Variants in B3GALT1 observed in about 807,000 individuals in gnomAD.
The protein encoded by B3GALT1 is beta-1,3-galactosyltransferase 1, also known as UDP-Gal:betaGlcNAc beta 1,3-galactosyltransferase, polypeptide 1.
In B3GALT1, 10 loss-of-function variants were observed where a neutral mutation model predicts 23.2. The observed-to-expected ratio is 0.43, with a 90% CI of 0.27 to 0.73. The LOEUF (loss-of-function observed/expected upper bound fraction) is 0.73. B3GALT1 is among the 30% of genes least tolerant of loss of function. The probability of loss-of-function intolerance (pLI) is 0.21; values close to 1 mark genes in which losing one functional copy is unlikely to be tolerated. For synonymous variants in B3GALT1, 156 were observed against 141.5 expected (o/e 1.10, Z -0.73); for missense variants, 299 against 405.4 (o/e 0.74, Z 2.25).
intron 3 of B3GALT1, among the ~76,000 whole-genome samples, chr2:167,783,316 T>G (rs989470644): frequency 9.2e-5 from 14 of 152,306 alleles, no homozygotes; most frequent in African/African-American, 3.4e-4. Flanking sequence ...TCTGTTTATC[T>G]TCGTGTTAAC....
intron 2 of B3GALT1, among the ~76,000 whole-genome samples, chr2:167,536,451 G>T (rs532016081): frequency 3.9e-4 from 59 of 152,230 alleles, no homozygotes; most frequent in Non-Finnish European, 7.4e-4. Flanking sequence ...TGCAGACTAG[G>T]AAACATTTTA....
rs560917310 is a variant in B3GALT1 at position 167,830,334 on chromosome 2, C to T, written c.-230+11541C>T. 8.2e-4 allele frequency among the ~76,000 whole-genome samples: 123 copies of T among 149,348 alleles called. 1 individual carries two copies. Among genetic ancestry groups the T allele is most frequent in the Non-Finnish European group, 1.4e-3 (96 of 67,610 alleles). On this transcript the variant is annotated intron_variant, in intron 4 of 4. Coordinates refer to ENST00000392690, the MANE Select transcript of B3GALT1 (RefSeq NM_020981.4). ...CCATTGTCATTTGGATGAGGAAAGA[C>T]ATTAAGCGGGAACAGGGCAGGGTAG... is the stretch of plus-strand genomic sequence containing the variant.
At chr2:167,408,338 C>A (rs1328580024) in intron 1 of B3GALT1, among the ~76,000 whole-genome samples, 1 of 152,042 alleles carries the variant, frequency 6.6e-6, no homozygotes, top group Non-Finnish European at 1.5e-5. Context: ...CAAAAAGCCT[C>A]ATCAAAATGG....
chr2:167,307,937 G>A (rs1475670940), intron 1 of B3GALT1, among the ~76,000 whole-genome samples: 1 of 150,058 alleles, frequency 6.7e-6, no homozygotes, highest in East Asian at 2.0e-4. Context: ...TTGAGTCCAT[G>A]ATTAGGAGTA....
intron 3 of B3GALT1, among the ~76,000 whole-genome samples, chr2:167,809,455 GGGTTTTGGTGT>G (rs1421340333): frequency 2.0e-5 from 3 of 152,146 alleles, no homozygotes. Flanking sequence ...CGTACAGATG[GGGTTTTGGTGT>G]GGATGTCCTT....
intron 3 of B3GALT1, among the ~76,000 whole-genome samples, chr2:167,709,433 G>T (rs539473005): frequency 1.3e-5 from 2 of 152,312 alleles, no homozygotes; most frequent in African/African-American, 4.8e-5. Context: ...AAATCCACAG[G>T]TGTAGCATAA....
chr2:167,581,307 A>G (rs952557144), intron 2 of B3GALT1, among the ~76,000 whole-genome samples: 1 of 152,220 alleles, frequency 6.6e-6, no homozygotes, highest in Non-Finnish European at 1.5e-5. Context: ...GTGCTGTGGT[A>G]GAGGTACCTA....
chr2:167,723,452 C>CA (rs1287329668), intron 3 of B3GALT1, among the ~76,000 whole-genome samples: 1 of 151,828 alleles, frequency 6.6e-6, no homozygotes, highest in Non-Finnish European at 1.5e-5. Flanking sequence ...ACATATACTT[C>CA]AAAATATTAA....
chr2:167,593,980 A>T (rs1684730124), intron 2 of B3GALT1, among the ~76,000 whole-genome samples: 2 of 152,200 alleles, frequency 1.3e-5, no homozygotes, highest in South Asian at 4.1e-4. Context: ...AAAAACACAG[A>T]AGCCTAGATA....
At chr2:167,814,520 C>T (rs980705855) in intron 3 of B3GALT1, among the ~76,000 whole-genome samples, 1 of 151,960 alleles carries the variant, frequency 6.6e-6, no homozygotes, top group Non-Finnish European at 1.5e-5. Flanking sequence ...CCAGCACTTT[C>T]GGAGGCTGAG....
intron 1 of B3GALT1, among the ~76,000 whole-genome samples, chr2:167,479,049 G>C (rs1699527309): frequency 6.6e-6 from 1 of 151,994 alleles, no homozygotes; most frequent in South Asian, 2.1e-4. Flanking sequence ...GGGCAACAGA[G>C]TGAGACTTCG....
chr2:167,822,636 C>T (rs1019035278), intron 4 of B3GALT1, among the ~76,000 whole-genome samples: 8 of 152,168 alleles, frequency 5.3e-5, no homozygotes, highest in Non-Finnish European at 1.0e-4. Context: ...TTCTTTTCGC[C>T]TTCTTACTCC....
At chr2:167,733,594 C>T (rs1687443956) in intron 3 of B3GALT1, among the ~76,000 whole-genome samples, 1 of 152,106 alleles carries the variant, frequency 6.6e-6, no homozygotes, top group South Asian at 2.1e-4. Context: ...AATTTGATTG[C>T]CTCAACAATC....
chr2:167,677,078 G>A (rs1666485391), intron 3 of B3GALT1, among the ~76,000 whole-genome samples: 1 of 152,074 alleles, frequency 6.6e-6, no homozygotes, highest in Non-Finnish European at 1.5e-5. Context: ...TGGGTGAGGG[G>A]TAGGAAAAAG....
chr2:167,688,296 T>C (rs1158546767), intron 3 of B3GALT1, among the ~76,000 whole-genome samples: 1 of 152,052 alleles, frequency 6.6e-6, no homozygotes, highest in African/African-American at 2.4e-5. Context: ...AAAAAGACAA[T>C]CAATAGATAC....
At chr2:167,628,902 G>T (rs112686574) in intron 2 of B3GALT1, among the ~76,000 whole-genome samples, 2,381 of 151,656 alleles carry the variant, frequency 0.016, 83 homozygotes, top group African/African-American at 0.055. Context: ...TATTAGTGTG[G>T]GAAATTTTAT....
intron 3 of B3GALT1, among the ~76,000 whole-genome samples, chr2:167,710,064 A>G (rs571078436): frequency 3.3e-5 from 5 of 152,298 alleles, no homozygotes; most frequent in Non-Finnish European, 1.5e-5. Context: ...TATTCAAATA[A>G]AGGAAAGCAT....
At chr2:167,547,185 C>G (rs892954465) in intron 2 of B3GALT1, among the ~76,000 whole-genome samples, 2 of 152,182 alleles carry the variant, frequency 1.3e-5, no homozygotes, top group Non-Finnish European at 2.9e-5. Context: ...CTACTAAAAC[C>G]TTCCACCATG....
intron 2 of B3GALT1, among the ~76,000 whole-genome samples, chr2:167,512,448 TTA>T (rs1452100344): frequency 6.7e-6 from 1 of 148,710 alleles, no homozygotes; most frequent in African/African-American, 2.5e-5. Context: ...CCACTTTTGT[TTA>T]TGTTAATTAT....
Sources: gnomAD v4.1 joint callset for allele counts (sites outside exome capture counted in the v4.1 genomes callset) on GRCh38, gnomAD v4.1.1 for gene constraint, MANE v1.5 for transcripts, NCBI Gene and HGNC (gene_info 2026-07-23, HGNC 2026-07-21) for gene names.